Variants in FAM184A observed in about 807,000 individuals in gnomAD.
FAM184A encodes family with sequence similarity 184 member A.
A neutral mutation model predicts 143.8 loss-of-function variants in FAM184A; 99 were observed. That is an observed-to-expected ratio of 0.69 (90% confidence interval 0.58 to 0.81). FAM184A has a LOEUF of 0.81. Among genes scored for constraint, FAM184A ranks in the 40% least tolerant of loss-of-function variants. The pLI is 0.00. For synonymous variants in FAM184A, 427 were observed against 446.4 expected, an observed-to-expected ratio of 0.96 and a Z score of 0.55; for missense variants, 1,217 against 1,310.5, an observed-to-expected ratio of 0.93 and a Z score of 1.10.
rs539873892 is a variant in FAM184A, at chr6:119,019,119, G to A, written c.1332+859C>T. On this transcript the variant is annotated intron_variant, in intron 4 of 17. Transcript: ENST00000338891. The stretch of plus-strand genomic sequence containing the variant: ...TGATGTTACTGGAATGAATGAGTGC[G>A]TAGAATTAGATGAAAATACTGGAAA... Among the ~76,000 whole-genome samples the A allele has an allele frequency of 8.4e-4, 128 of 152,312 alleles. 1 individual carries two copies. Among genetic ancestry groups the A allele is most frequent in the African/African-American group, 2.5e-3 (105 of 41,560 alleles).
At chr6:118,979,601 A>C in intron 10 of FAM184A, 83 bp from the exon 11 acceptor site, 1 of 1,031,666 alleles carries the variant, frequency 9.7e-7, no homozygotes, top group Non-Finnish European at 1.4e-6. Flanking sequence ...ACTAAAACTC[A>C]GTTATTATTT....
rs1404650171 is a variant in FAM184A at position 119,006,137 on chromosome 6, T to C, written c.1815+310A>G. 5.2e-6 allele frequency: 4 copies of C among 765,098 alleles called. No homozygotes were observed. The Admixed American group carries it at 6.8e-5, about 13-fold the overall frequency. 47.4% of individuals were successfully genotyped at this position (765,098 alleles called of 1,614,324 possible). A position where few individuals can be genotyped will look rare whatever the true frequency, so the allele number is the denominator to read the frequency against. On this transcript the variant is annotated intron_variant, in intron 7 of 17. Coordinates refer to ENST00000338891, the MANE Select transcript of FAM184A (RefSeq NM_024581.6). ...TGTGAAGATAGGCAGAGATGGAAATTATGTTGCCGAATGCCAAGAATGCCT... is the reference window on the plus strand; with the variant it reads ...TGTGAAGATAGGCAGAGATGGAAATCATGTTGCCGAATGCCAAGAATGCCT...
upstream of FAM184A, chr6:119,078,826 T>TCCCGCAGC (rs1337298753): frequency 2.6e-5 from 4 of 153,840 alleles, no homozygotes; most frequent in Non-Finnish European, 4.3e-5. This position sits in a 1 kb window ranked among gnomAD's most constrained non-coding sequence, Gnocchi z 5.5. Context: ...CCGCCGCCAG[T>TCCCGCAGC]CCCGCAGCCC....
intron 1 of FAM184A, among the ~76,000 whole-genome samples, chr6:119,038,755 C>T (rs1398489622): frequency 6.6e-6 from 1 of 152,112 alleles, no homozygotes; most frequent in Non-Finnish European, 1.5e-5. Context: ...TACGGACCGG[C>T]CCTGAATTCT....
intron 9 of FAM184A, among the ~76,000 whole-genome samples, chr6:118,988,236 G>T (rs1157767358): frequency 6.6e-6 from 1 of 152,106 alleles, no homozygotes; most frequent in East Asian, 1.9e-4. Context: ...GTGCTCAAGA[G>T]AAAACAAGTT....
At chr6:119,006,175 A>T in intron 7 of FAM184A, 1 of 765,310 alleles carries the variant, frequency 1.3e-6, no homozygotes, top group Non-Finnish European at 2.4e-6. Flanking sequence ...TGCTACCAGA[A>T]GCTGGAAAAT....
At position 119,078,076 on chromosome 6, in the gene FAM184A, G is replaced by T; in HGVS notation, c.159+65C>A. The T allele has an allele frequency of 6.6e-7, 1 of 1,519,858 alleles. No individual in the cohort carries two copies. The allele number at this position is 1,519,858 out of a possible 1,614,324, so 94.1% of individuals were successfully genotyped here. ...GGGCGCAGGGCGCACTGCCTCCCGG[G>T]GAGACAGGTGAGTCCGGCGCGGCCC... is the stretch of plus-strand genomic sequence containing the variant. On this transcript the variant is annotated intron_variant, in intron 1 of 17. Coordinates refer to ENST00000338891, the MANE Select transcript of FAM184A (RefSeq NM_024581.6). This position sits in a 1 kb window ranked among gnomAD's most constrained non-coding sequence, Gnocchi z 5.5.
At chr6:119,042,461 C>T (rs1786373712) in intron 1 of FAM184A, among the ~76,000 whole-genome samples, 1 of 91,342 alleles carries the variant, frequency 1.1e-5, no homozygotes, top group Non-Finnish European at 2.7e-5. Flanking sequence ...CTGGAACTTG[C>T]CTGGGTCTCT....
chr6:119,008,853 A>G (rs1018220432), intron 6 of FAM184A, among the ~76,000 whole-genome samples: 8 of 152,146 alleles, frequency 5.3e-5, no homozygotes, highest in Admixed American at 2.6e-4. Context: ...TCATCTTTCA[A>G]CTGTTTTTCA....
rs556921170 is a variant in FAM184A, at chr6:119,131,848, T to C, written c.-202+17230A>G. On this transcript the variant is annotated intron_variant, in intron 1 of 16. Coordinates refer to the FAM184A transcript ENST00000352896. The stretch of plus-strand genomic sequence containing the variant: ...AAATCCTGTATTGTGTTTTGTGCTA[T>C]AGATACATTTTAATACAGGAAGACA... 3.3e-5 allele frequency among the ~76,000 whole-genome samples: 5 copies of C among 152,304 alleles called. No individual in the cohort carries two copies. The East Asian group carries it at 7.7e-4, about 23-fold the overall frequency.
In FAM184A at chr6:119,078,550, G is replaced by A; in HGVS notation, c.-251C>T. ...AGATGCCCGGGGTTGGGCGGCGGCGGCCGGGGGCCGGGCCAGCTCTTGGAG... is the reference window on the plus strand; with the variant it reads ...AGATGCCCGGGGTTGGGCGGCGGCGACCGGGGGCCGGGCCAGCTCTTGGAG... On this transcript the variant is annotated 5_prime_UTR_variant, in exon 1 of 18. Coordinates refer to ENST00000338891, the MANE Select transcript of FAM184A (RefSeq NM_024581.6). This position sits in a 1 kb window ranked among gnomAD's most constrained non-coding sequence, Gnocchi z 5.5. The A allele has an allele frequency of 3.3e-6, 1 of 299,496 alleles. No homozygotes were observed. The highest frequency in any genetic ancestry group is 6.1e-6 in the Non-Finnish European group (1 of 163,464). The allele number at this position is 299,496 out of a possible 1,614,324, so 18.6% of individuals were successfully genotyped here. A position where few individuals can be genotyped will look rare whatever the true frequency, so the allele number is the denominator to read the frequency against.
At chr6:118,961,998 T>C in intron 16 of FAM184A, 35 bp from the exon 17 acceptor site, 1 of 1,587,848 alleles carries the variant, frequency 6.3e-7, no homozygotes, top group Non-Finnish European at 8.6e-7. Flanking sequence ...GGATAGTCCC[T>C]GCATGAGGAC....
At chr6:119,062,250 G>A (rs996067272) in intron 1 of FAM184A, among the ~76,000 whole-genome samples, 3 of 152,184 alleles carry the variant, frequency 2.0e-5, no homozygotes, top group Admixed American at 2.0e-4. Flanking sequence ...TGATTAAACA[G>A]CATAATGTAT....
chr6:119,056,299 T>C (rs1431082912), intron 1 of FAM184A, among the ~76,000 whole-genome samples: 2 of 152,180 alleles, frequency 1.3e-5, no homozygotes, highest in Non-Finnish European at 2.9e-5. Flanking sequence ...TTATTTGTTA[T>C]TTGGGATATG....
intron 9 of FAM184A, among the ~76,000 whole-genome samples, chr6:118,998,969 G>T (rs1372925128): frequency 6.6e-6 from 1 of 152,202 alleles, no homozygotes; most frequent in Non-Finnish European, 1.5e-5. Flanking sequence ...TCTGTAGGTG[G>T]TAAAGAGTAG....
intron 1 of FAM184A, among the ~76,000 whole-genome samples, chr6:119,035,558 C>T (rs1786077847): frequency 6.6e-6 from 1 of 152,120 alleles, no homozygotes; most frequent in African/African-American, 2.4e-5. Context: ...GGAGAATCCC[C>T]CTCCCTTTCC....
At chr6:119,001,925 T>C (rs1784770218) in intron 9 of FAM184A, among the ~76,000 whole-genome samples, 1 of 152,144 alleles carries the variant, frequency 6.6e-6, no homozygotes, top group Non-Finnish European at 1.5e-5. Flanking sequence ...CTAGTAAAAG[T>C]TGTTCCCTTG....
chr6:119,057,861 T>C (rs1296975835), intron 1 of FAM184A: 1 of 148,544 alleles, frequency 6.7e-6, no homozygotes, highest in Non-Finnish European at 1.5e-5. Context: ...TTTTTTTTAC[T>C]CTCTTAAAAG....
intron 1 of FAM184A, among the ~76,000 whole-genome samples, chr6:119,135,817 C>A (rs1268696189): frequency 6.6e-6 from 1 of 151,960 alleles, no homozygotes; most frequent in Non-Finnish European, 1.5e-5. Flanking sequence ...CAGGTGAATT[C>A]TACTATTTTT....
Sources: gnomAD v4.1 joint callset for allele counts (sites outside exome capture counted in the v4.1 genomes callset) on GRCh38, gnomAD v4.1.1 for gene constraint, Gnocchi (gnomAD v3.1) non-coding constraint, MANE v1.5 for transcripts, NCBI Gene and HGNC (gene_info 2026-07-23, HGNC 2026-07-21) for gene names.